The following SMYD5 variants were observed in gnomAD, a reference collection of about 807,000 sequenced individuals.
The protein encoded by SMYD5 is protein-lysine N-trimethyltransferase SMYD5.
SMYD5 carries 35 observed loss-of-function variants against 57.4 expected under a neutral mutation model. The observed-to-expected ratio is 0.61, with a 90% CI of 0.47 to 0.81. The LOEUF is 0.81. Ranked by LOEUF, SMYD5 falls within the 30% of genes least tolerant of loss-of-function variation. The pLI, the probability that SMYD5 is intolerant of heterozygous loss-of-function variation, is 0.00. For missense variants in SMYD5, 471 were observed against 527.9 expected (o/e 0.89, Z 1.06); for synonymous variants, 198 against 189.7 (o/e 1.04, Z -0.36).
chr2:73,223,021 T>C lies in SMYD5; in HGVS notation c.706-15T>C. ...GTGGCTGTAATGAGCACTCATCTCT[T>C]TTTTCCCCCCACAGTGGTTCACTCC... On this transcript the variant is annotated splice_polypyrimidine_tract_variant and intron_variant, in intron 7 of 12. Coordinates refer to ENST00000389501, the MANE Select transcript of SMYD5 (RefSeq NM_006062.3). 1 of 1,612,950 alleles carries C rather than the reference T, an allele frequency of 6.2e-7. No individual in the cohort carries two copies. Among genetic ancestry groups the C allele is most frequent in the South Asian group, 1.1e-5 (1 of 91,066 alleles).
At chr2:73,223,233 G>C in intron 8 of SMYD5, 127 bp downstream of exon 8, 1 of 898,570 alleles carries the variant, frequency 1.1e-6, no homozygotes, top group Non-Finnish European at 1.9e-6. Flanking sequence ...ACTGGACACA[G>C]TGGTGGGAAT....
At chr2:73,225,597 A>G in intron 11 of SMYD5, 34 bp from the exon 12 acceptor site, 1 of 1,600,442 alleles carries the variant, frequency 6.2e-7, no homozygotes, top group Non-Finnish European at 8.6e-7. Context: ...TTAAAAGAGC[A>G]CAGACCATCA....
chr2:73,219,758 G>C (rs1489995727), intron 2 of SMYD5, among the ~76,000 whole-genome samples: 2 of 152,190 alleles, frequency 1.3e-5, no homozygotes, highest in Middle Eastern at 3.2e-3. Flanking sequence ...GCCCAGTTTG[G>C]GGGTGGTAGG....
In SMYD5 at chr2:73,226,276, G is replaced by A. The variant is rs1312659677; in HGVS notation, c.*330G>A. 3.1e-5 allele frequency: 10 copies of A among 322,734 alleles called. No individual in the cohort carries two copies. Among genetic ancestry groups the A allele is most frequent in the Middle Eastern group, 8.5e-4 (1 of 1,178 alleles). 20.0% of individuals were successfully genotyped at this position (322,734 alleles called of 1,614,324 possible). On this transcript the variant is annotated 3_prime_UTR_variant, in exon 13 of 13. Transcript: ENST00000389501. The stretch of plus-strand genomic sequence containing the variant: ...CAGTGTTTCTTCCCCTCGGCCCCAC[G>A]GCCCATACTCACCCCTTCACCTGAG...
rs376603112 is a variant in SMYD5, at chr2:73,220,155, C to A, written c.310C>A (p.Arg104Ser). ...VLPHPELCTV[R>S]KDLHQNCPHC... ...GCCTCACCCAGAGCTGTGCACTGTG[C>A]GCAAAGACCTCCACCAGAACTGTCC... The change falls in exon 3 of 13, where the codon CGC becomes AGC. Residue 104 changes from arginine to serine, a missense_variant. Arg to Ser is a moderately radical substitution (Grantham distance 110). Transcript: ENST00000389501. 6.2e-7 allele frequency: 1 copy of A among 1,614,108 alleles called. No homozygotes were observed. Among genetic ancestry groups the A allele is most frequent in the South Asian group, 1.1e-5 (1 of 91,078 alleles).
At chr2:73,221,055 T>G (rs1686382657) in intron 4 of SMYD5, 110 bp from the exon 5 acceptor site, 4 of 1,026,076 alleles carry the variant, frequency 3.9e-6, no homozygotes. Context: ...ACTTTCCTGG[T>G]AATTGATGGA....
At position 73,218,952 on chromosome 2, in the gene SMYD5, C is replaced by T. The variant is rs1308892917; in HGVS notation, c.188C>T (p.Ala63Val). 2 of 1,612,996 alleles carry T rather than the reference C, an allele frequency of 1.2e-6. No individual in the cohort carries two copies. The highest frequency in any genetic ancestry group is 4.5e-5 in the East Asian group (2 of 44,894). ...GTGGCTGCACAGTTTCTCTGGAATGCACTTTATCGCTACCGAGGTGAGTAC... is the reference window on the plus strand; with the variant it reads ...GTGGCTGCACAGTTTCTCTGGAATGTACTTTATCGCTACCGAGGTGAGTAC... Reference protein sequence around the residue: ...PLVAAQFLWNALYRYRACDHC... With the variant: ...PLVAAQFLWNVLYRYRACDHC... Residue 63 changes from alanine to valine, a missense_variant, in exon 2 of 13, where the codon GCA becomes GTA. Coordinates refer to ENST00000389501, the MANE Select transcript of SMYD5 (RefSeq NM_006062.3).
In SMYD5 at chr2:73,225,883, G is replaced by A. The variant is rs1256265967; in HGVS notation, c.1194G>A (p.Glu398=). The change falls in exon 13 of 13, where the codon GAG becomes GAA. Residue 398 remains glutamate, a synonymous_variant. Coordinates refer to ENST00000389501, the MANE Select transcript of SMYD5 (RefSeq NM_006062.3). ...TGACCTCAGAAGAGGAAGAGGAAGA[G>A]GAGGAGGAGGAGGAAGGAGAGCCAG... ...PNVTSEEEEE[E]EEEEEGEPED... is the part of the protein sequence containing the mutation. 6.2e-7 allele frequency: 1 copy of A among 1,603,588 alleles called. No individual in the cohort carries two copies. The highest frequency in any genetic ancestry group is 2.2e-5 in the East Asian group (1 of 44,808).
At chr2:73,220,878 C>T in intron 4 of SMYD5, 96 bp downstream of exon 4, 2 of 1,428,410 alleles carry the variant, frequency 1.4e-6, no homozygotes, top group Non-Finnish European at 9.5e-7. Flanking sequence ...AGTTCCAATT[C>T]CCCGGATTTT....
chr2:73,217,162 G>A (rs1487565216), intron 1 of SMYD5, among the ~76,000 whole-genome samples: 1 of 152,098 alleles, frequency 6.6e-6, no homozygotes, highest in African/African-American at 2.4e-5. Flanking sequence ...ATATTGGTCA[G>A]GCTGGTCTTG....
In SMYD5 at chr2:73,224,881, T is replaced by C; in HGVS notation, c.956T>C (p.Val319Ala). The C allele has an allele frequency of 1.2e-6, 2 of 1,613,778 alleles. No homozygotes were observed. Among genetic ancestry groups the C allele is most frequent in the East Asian group, 2.2e-5 (1 of 44,870 alleles). ...VLQSCCNHSC[V>A]PNAETSFPEN... is the part of the protein sequence containing the mutation. ...TATGATCCAGGCAACCACAGTTGTG[T>C]GCCCAATGCAGAGACCTCCTTTCCA... Residue 319 changes from valine (V) to alanine (A), a missense_variant, in exon 11 of 13, where the codon GTG becomes GCG. Physicochemically the swap from Val to Ala is moderately conservative, Grantham distance 64 (BLOSUM62 0). Coordinates refer to ENST00000389501, the MANE Select transcript of SMYD5 (RefSeq NM_006062.3).
At chr2:73,220,840 G>A (rs779193621) in intron 4 of SMYD5, 58 bp downstream of exon 4, 1 of 1,593,274 alleles carries the variant, frequency 6.3e-7, no homozygotes, top group Non-Finnish European at 8.6e-7. Context: ...TGCCTGCCTG[G>A]GCTCATCAGG....
At position 73,224,977 on chromosome 2, in the gene SMYD5, A is replaced by G. The variant is rs778372578; in HGVS notation, c.1035+17A>G. ...CCAGGAGAGGTGAGGGGGACCAGGA[A>G]CCGTCGGGATGGGTGGGCAGTAGGC... On this transcript the variant is annotated intron_variant, in intron 11 of 12. Transcript: ENST00000389501. 5 of 1,600,642 alleles carry G rather than the reference A, an allele frequency of 3.1e-6. No individual in the cohort carries two copies. The highest frequency in any genetic ancestry group is 4.3e-6 in the Non-Finnish European group (5 of 1,168,736).
intron 12 of SMYD5, 41 bp from the exon 13 acceptor site, chr2:73,225,755 G>A: frequency 1.9e-6 from 3 of 1,613,918 alleles, no homozygotes; most frequent in East Asian, 4.5e-5. Flanking sequence ...TCTACCCATA[G>A]CTCCCTGACT....
At position 73,214,382 on chromosome 2, in the gene SMYD5, T is replaced by G. The variant is rs1686251289; in HGVS notation, c.96+20T>G. On this transcript the variant is annotated intron_variant, in intron 1 of 12. Coordinates refer to ENST00000389501, the MANE Select transcript of SMYD5 (RefSeq NM_006062.3). The stretch of plus-strand genomic sequence containing the variant: ...GCCAAGGTGAGGTCGGGGCGGGTCC[T>G]GCCGGGAGCCTCTCCCCAGTCCGGC... 1.9e-6 allele frequency: 3 copies of G among 1,612,308 alleles called. 1 individual carries two copies. In the East Asian group the frequency reaches 6.7e-5, roughly 36 times the overall value.
chr2:73,217,052 A>G (rs1242423320), intron 1 of SMYD5, among the ~76,000 whole-genome samples: 1 of 151,968 alleles, frequency 6.6e-6, no homozygotes, highest in African/African-American at 2.4e-5. Flanking sequence ...CCTGGGTTCA[A>G]GCGATTCTCC....
intron 4 of SMYD5, 33 bp downstream of exon 4, chr2:73,220,815 C>T (rs1034181704): frequency 1.2e-6 from 2 of 1,609,876 alleles, no homozygotes; most frequent in African/African-American, 2.7e-5. Flanking sequence ...TTTCCTTTAT[C>T]CTTTCCTCCC....
intron 2 of SMYD5, 54 bp from the exon 3 acceptor site, chr2:73,219,997 G>A: frequency 6.2e-7 from 1 of 1,612,590 alleles, no homozygotes; most frequent in South Asian, 1.1e-5. Context: ...CTGTGAAAGG[G>A]ATAGATGTGG....
At chr2:73,222,071 G>C (rs893407280) in intron 6 of SMYD5, 141 bp downstream of exon 6, 29 of 623,542 alleles carry the variant, frequency 4.7e-5, no homozygotes, top group Non-Finnish European at 7.0e-5. Flanking sequence ...CGATTCAGAG[G>C]AGTTACATTC....
Sources: allele counts gnomAD v4.1 joint callset (sites outside exome capture counted in the v4.1 genomes callset), GRCh38; gene constraint gnomAD v4.1.1; transcripts MANE v1.5; gene names NCBI Gene and HGNC (gene_info 2026-07-23, HGNC 2026-07-21).